Variants in KAT2B observed in about 807,000 individuals in gnomAD.
KAT2B encodes histone acetyltransferase KAT2B.
In KAT2B, 36 loss-of-function variants were observed where a neutral mutation model predicts 105.9. That is an observed-to-expected ratio of 0.34 (90% CI 0.26 to 0.45). The LOEUF is 0.45. Among genes scored for constraint, KAT2B ranks in the 20% least tolerant of loss-of-function variants. The probability of loss-of-function intolerance (pLI) is 1.00; values close to 1 mark genes in which losing one functional copy is unlikely to be tolerated. For missense variants in KAT2B, 820 were observed against 1,021.6 expected (o/e 0.80, Z 2.69); for synonymous variants, 397 against 377.9 (o/e 1.05, Z -0.59).
intron 8 of KAT2B, among the ~76,000 whole-genome samples, chr3:20,120,083 T>G (rs1185428750): frequency 6.6e-6 from 1 of 152,108 alleles, no homozygotes; most frequent in African/African-American, 2.4e-5. Flanking sequence ...TTCACATATT[T>G]CTCATAATTT....
chr3:20,077,203 A>G (rs755635891), intron 2 of KAT2B, among the ~76,000 whole-genome samples: 21 of 152,182 alleles, frequency 1.4e-4, no homozygotes, highest in South Asian at 8.3e-4. Context: ...CTGTCTGGGT[A>G]TGGTGGTTTG....
At chr3:20,074,026 T>C (rs1252002636) in intron 2 of KAT2B, among the ~76,000 whole-genome samples, 1 of 152,238 alleles carries the variant, frequency 6.6e-6, no homozygotes, top group Non-Finnish European at 1.5e-5. Context: ...GTTTCCTTTT[T>C]TATTTCTTAC....
rs1433530038 is a variant in KAT2B, at chr3:20,040,543, C to T, written c.66C>T (p.Pro22=). 4.7e-5 allele frequency: 48 copies of T among 1,027,314 alleles called. No homozygotes were observed. The East Asian group carries it at 1.6e-3, about 34-fold the overall frequency. 63.6% of individuals were successfully genotyped at this position (1,027,314 alleles called of 1,614,324 possible). A position where few individuals can be genotyped will look rare whatever the true frequency, so the allele number is the denominator to read the frequency against. ...CGAGAGAGAG[P]GALPPQPAAL... ...CAGGAGCCGGGGCAGGGGCCGGGCC[C>T]GGGGCGCTGCCCCCGCAGCCTGCGG... is the stretch of plus-strand genomic sequence containing the variant. The change falls in exon 1 of 18, where the codon CCC becomes CCT. Residue 22 remains proline (P), a synonymous_variant. Coordinates refer to ENST00000263754, the MANE Select transcript of KAT2B (RefSeq NM_003884.5).
chr3:20,112,129 C>A (rs184553288), intron 6 of KAT2B, among the ~76,000 whole-genome samples: 61 of 151,306 alleles, frequency 4.0e-4, no homozygotes, highest in Middle Eastern at 3.5e-3. Flanking sequence ...GGTACATTTT[C>A]CAGCCACTCA....
chr3:20,111,844 A>G (rs1699127451), intron 6 of KAT2B, 57 bp downstream of exon 6: 2 of 1,352,494 alleles, frequency 1.5e-6, no homozygotes, highest in Middle Eastern at 1.9e-4. Flanking sequence ...GTTGCTAAAT[A>G]CAATGCCAAA....
rs376391875 is a variant in KAT2B, at chr3:20,119,741, G to C, written c.1276+18G>C. The C allele has an allele frequency of 1.9e-6, 3 of 1,613,470 alleles. No individual in the cohort carries two copies. The highest frequency in any genetic ancestry group is 2.7e-5 in the African/African-American group (2 of 75,024). The stretch of plus-strand genomic sequence containing the variant: ...AAACCCAGGTAAGCTCTTAAGAGGG[G>C]ATAAGAGAGGGCTGTGACTTGCTCC... On this transcript the variant is annotated intron_variant, in intron 8 of 17. Coordinates refer to ENST00000263754, the MANE Select transcript of KAT2B (RefSeq NM_003884.5).
At chr3:20,053,120 T>C (rs1259733175) in intron 1 of KAT2B, among the ~76,000 whole-genome samples, 1 of 152,222 alleles carries the variant, frequency 6.6e-6, no homozygotes, top group Admixed American at 6.5e-5. Context: ...GCAGACTTGA[T>C]GACAAGCAAC....
chr3:20,115,890 A>T (rs1039344737), intron 7 of KAT2B, among the ~76,000 whole-genome samples: 1 of 152,318 alleles, frequency 6.6e-6, no homozygotes, highest in Admixed American at 6.5e-5. Flanking sequence ...TTTGAGACTG[A>T]TAACTTTAAT....
intron 8 of KAT2B, among the ~76,000 whole-genome samples, chr3:20,122,161 A>T (rs1021896235): frequency 5.3e-5 from 8 of 152,214 alleles, no homozygotes; most frequent in Non-Finnish European, 7.3e-5. Context: ...ACTGATATCC[A>T]TACAACATGA....
intron 4 of KAT2B, 132 bp from the exon 5 acceptor site, chr3:20,101,155 A>G: frequency 1.5e-6 from 1 of 686,340 alleles, no homozygotes; most frequent in Non-Finnish European, 2.4e-6. Context: ...TTTAGGGAAA[A>G]GGAAGAGATT....
intron 2 of KAT2B, among the ~76,000 whole-genome samples, chr3:20,090,451 T>C (rs915935325): frequency 6.6e-6 from 1 of 152,260 alleles, no homozygotes; most frequent in Non-Finnish European, 1.5e-5. Context: ...TCTGTATCTT[T>C]AGAGATTACC....
rs545016594 is a variant in KAT2B at position 20,048,870 on chromosome 3, G to A, written c.303+8090G>A. ...TCTATGCTGGGTGCCTTTGGGCAGC[G>A]CCCCCCTTTTCTTTTTTTTGAGACG... On this transcript the variant is annotated intron_variant, in intron 1 of 17. Coordinates refer to ENST00000263754, the MANE Select transcript of KAT2B (RefSeq NM_003884.5). Among the ~76,000 whole-genome samples the A allele has an allele frequency of 9.2e-5, 14 of 152,088 alleles. No individual in the cohort carries two copies. The South Asian group carries it at 1.5e-3, about 16-fold the overall frequency.
At chr3:20,094,593 T>C (rs73818808) in intron 2 of KAT2B, among the ~76,000 whole-genome samples, 11,402 of 152,204 alleles carry the variant, frequency 0.075, 486 homozygotes, top group East Asian at 0.2. Flanking sequence ...AGAGAGTCAA[T>C]GGACAGGTCA....
chr3:20,084,514 C>A (rs1698579697), intron 2 of KAT2B, among the ~76,000 whole-genome samples: 2 of 152,048 alleles, frequency 1.3e-5, no homozygotes, highest in South Asian at 4.1e-4. Flanking sequence ...TCTCCCTATT[C>A]CTTTCTACTT....
chr3:20,078,047 G>A (rs967890201), intron 2 of KAT2B, among the ~76,000 whole-genome samples: 3 of 152,050 alleles, frequency 2.0e-5, no homozygotes, highest in Non-Finnish European at 4.4e-5. Context: ...GGTGGCATGT[G>A]CCTTTTAGTC....
intron 12 of KAT2B, among the ~76,000 whole-genome samples, chr3:20,137,271 A>G (rs1292898737): frequency 6.6e-6 from 1 of 152,224 alleles, no homozygotes; most frequent in Non-Finnish European, 1.5e-5. Flanking sequence ...GAATGAATGA[A>G]TGTCACCTGT....
intron 13 of KAT2B, among the ~76,000 whole-genome samples, chr3:20,142,206 C>A (rs896945347): frequency 6.6e-6 from 1 of 152,132 alleles, no homozygotes; most frequent in African/African-American, 2.4e-5. Context: ...AGATGGCTAA[C>A]AAAGCAGTCA....
chr3:20,046,774 T>G (rs1035137579), intron 1 of KAT2B, among the ~76,000 whole-genome samples: 1 of 152,302 alleles, frequency 6.6e-6, no homozygotes, highest in Middle Eastern at 3.4e-3. Context: ...ATTGTCTTTT[T>G]CATTTGTCAG....
chr3:20,111,769 T>A lies in KAT2B; in HGVS notation c.1025T>A (p.Ile342Asn). The stretch of plus-strand genomic sequence containing the variant: ...CTGCCTCTTGAAAAACGAACTCTAA[T>A]CCTCACTCATTTCCCAAAGTAAGGG... Reference protein sequence around the residue: ...DKLPLEKRTLILTHFPKFLSM... With the variant: ...DKLPLEKRTLNLTHFPKFLSM... The change falls in exon 6 of 18, where the codon ATC (isoleucine) becomes AAC (asparagine). Residue 342 changes from isoleucine (I) to asparagine (N), a missense_variant. Ile to Asn is a moderately radical substitution (Grantham distance 149). Coordinates refer to ENST00000263754, the MANE Select transcript of KAT2B (RefSeq NM_003884.5). 1 of 1,612,986 alleles carries A rather than the reference T, an allele frequency of 6.2e-7. No homozygotes were observed. The highest frequency in any genetic ancestry group is 8.5e-7 in the Non-Finnish European group (1 of 1,179,618).
Sources: gnomAD v4.1 joint callset for allele counts (sites outside exome capture counted in the v4.1 genomes callset) on GRCh38, gnomAD v4.1.1 for gene constraint, MANE v1.5 for transcripts, NCBI Gene and HGNC (gene_info 2026-07-23, HGNC 2026-07-21) for gene names.